The following SLC16A4 variants were observed in gnomAD, a reference collection of about 807,000 sequenced individuals.
SLC16A4 encodes the protein solute carrier family 16 member 4, also known as probable monocarboxylate transporter 5.
A neutral mutation model predicts 47.9 loss-of-function variants in SLC16A4; 39 were observed. That is an observed-to-expected ratio of 0.81 (90% confidence interval 0.63 to 1.06). The LOEUF (loss-of-function observed/expected upper bound fraction) is 1.06. Ranked by LOEUF, SLC16A4 falls within the 50% of genes least tolerant of loss-of-function variation. The pLI is 0.00. For missense variants in SLC16A4, 524 were observed against 573.8 expected, an observed-to-expected ratio of 0.91 and a Z score of 0.89; for synonymous variants, 189 against 199.9, an observed-to-expected ratio of 0.95 and a Z score of 0.46.
intron 8 of SLC16A4, among the ~76,000 whole-genome samples, chr1:110,374,772 C>A (rs1206420025): frequency 6.6e-6 from 1 of 152,218 alleles, no homozygotes; most frequent in Admixed American, 6.5e-5. Context: ...ATATCCTCTC[C>A]ATAGAGATGG....
chr1:110,377,076 G>A lies in SLC16A4; in HGVS notation c.1116C>T (p.Tyr372=). The A allele has an allele frequency of 6.2e-7, 1 of 1,614,112 alleles. No homozygotes were observed. The highest frequency in any genetic ancestry group is 8.5e-7 in the Non-Finnish European group (1 of 1,179,994). Residue 372 remains tyrosine, a synonymous_variant, in exon 7 of 9, where the codon TAC becomes TAT. Coordinates refer to ENST00000369779, the MANE Select transcript of SLC16A4 (RefSeq NM_004696.3). The part of the protein sequence containing the change: ...WIKKYHYHKS[Y]LILCGITNLL... ...GGTTAGTGATGCCGCAGAGGATGAG[G>A]TAAGACTTGTGGTAATGATACTTCT...
At chr1:110,366,788 C>G (rs1661424356) in intron 8 of SLC16A4, among the ~76,000 whole-genome samples, 2 of 152,038 alleles carry the variant, frequency 1.3e-5, no homozygotes, top group South Asian at 4.1e-4. Flanking sequence ...ATTTTCTTAC[C>G]AGGGCGGGGA....
chr1:110,381,770 G>A lies in SLC16A4; in HGVS notation c.246C>T (p.Asp82=), dbSNP rs776399818. 1 of 1,612,910 alleles carries A rather than the reference G, an allele frequency of 6.2e-7. No individual in the cohort carries two copies. Among genetic ancestry groups the A allele is most frequent in the Non-Finnish European group, 8.5e-7 (1 of 1,179,650 alleles). ...CAGPLVAIIC[D]ILGEKTTSIL... is the part of the protein sequence containing the mutation. ...TGGAGGTAGTTTTCTCTCCAAGTAT[G>A]TCACAAATAATAGCAACCAGGGGAC... is the stretch of plus-strand genomic sequence containing the variant. Residue 82 remains aspartate, a synonymous_variant, in exon 4 of 9, where the codon GAC becomes GAT. Transcript: ENST00000369779.
At chr1:110,376,425 G>C (rs1485389069) in intron 7 of SLC16A4, among the ~76,000 whole-genome samples, 3 of 152,156 alleles carry the variant, frequency 2.0e-5, no homozygotes, top group African/African-American at 7.2e-5. Flanking sequence ...ACACTGAAGT[G>C]TTTGTATAAG....
intron 8 of SLC16A4, chr1:110,371,766 C>T (rs1292152156): frequency 6.6e-6 from 1 of 152,132 alleles, no homozygotes; most frequent in African/African-American, 2.4e-5. Flanking sequence ...TAAAACTCAC[C>T]TACTCTAATG....
chr1:110,374,538 C>G (rs770498801), intron 8 of SLC16A4, among the ~76,000 whole-genome samples: 1 of 152,126 alleles, frequency 6.6e-6, no homozygotes, highest in African/African-American at 2.4e-5. Flanking sequence ...CATTGAGAAC[C>G]TGTGGTGTGT....
In SLC16A4 at chr1:110,378,180, T is replaced by C. The variant is rs145614132; in HGVS notation, c.1030+673A>G. Among the ~76,000 whole-genome samples, 12 of 152,296 alleles carry C rather than the reference T, an allele frequency of 7.9e-5. No individual in the cohort carries two copies. In the East Asian group the frequency reaches 2.1e-3, roughly 27 times the overall value. On this transcript the variant is annotated intron_variant, in intron 6 of 8. Coordinates refer to ENST00000369779, the MANE Select transcript of SLC16A4 (RefSeq NM_004696.3). ...TTAACTTATTTTAAATATCAGACAG[T>C]CCATAAGTGACTAGCCTTAAAAGTC...
At chr1:110,386,200 T>C (rs1662724197) in intron 2 of SLC16A4, among the ~76,000 whole-genome samples, 2 of 152,230 alleles carry the variant, frequency 1.3e-5, no homozygotes, top group Non-Finnish European at 2.9e-5. Context: ...CTCTAATAAC[T>C]GAGTCCGTGT....
intron 8 of SLC16A4, among the ~76,000 whole-genome samples, chr1:110,368,846 G>A (rs1401483233): frequency 8.5e-5 from 5 of 58,742 alleles, no homozygotes; most frequent in Non-Finnish European, 2.6e-4. Context: ...ATTATTTTAT[G>A]TGTTAGGCCA....
intron 1 of SLC16A4, among the ~76,000 whole-genome samples, chr1:110,389,656 CTCA>C (rs1662925383): frequency 6.6e-6 from 1 of 152,188 alleles, no homozygotes; most frequent in Non-Finnish European, 1.5e-5. Flanking sequence ...AACCTACGTG[CTCA>C]TCAACAGTGG....
rs532558212 is a variant in SLC16A4 at position 110,381,226 on chromosome 1, T to G, written c.365-83A>C. On this transcript the variant is annotated intron_variant, in intron 4 of 8. Coordinates refer to ENST00000369779, the MANE Select transcript of SLC16A4 (RefSeq NM_004696.3). ...AAAAGATAATCTCCTGGATCCGAGA[T>G]AATACAGCTAGGCCTTTTGGACCCA... The G allele has an allele frequency of 2.2e-4, 287 of 1,321,408 alleles. 1 individual carries two copies. The African/African-American group carries it at 3.8e-3, about 18-fold the overall frequency. 81.9% of individuals were successfully genotyped at this position (1,321,408 alleles called of 1,614,324 possible).
At chr1:110,381,526 G>C in intron 4 of SLC16A4, 126 bp downstream of exon 4, 1 of 878,098 alleles carries the variant, frequency 1.1e-6, no homozygotes, top group Non-Finnish European at 1.7e-6. Flanking sequence ...GTTTCACCAT[G>C]TTGCCCAGGC....
chr1:110,381,290 C>A, intron 4 of SLC16A4, 147 bp from the exon 5 acceptor site: 1 of 666,158 alleles, frequency 1.5e-6, no homozygotes, highest in South Asian at 1.9e-5. Context: ...CATCTTCTAT[C>A]TTCTATGGAT....
chr1:110,382,989 C>A, intron 2 of SLC16A4, 23 bp from the exon 3 acceptor site: 1 of 1,569,584 alleles, frequency 6.4e-7, no homozygotes, highest in Non-Finnish European at 8.7e-7. Context: ...AGACCAGAGT[C>A]CAACTCAGGT....
chr1:110,380,414 G>A (rs1008092399), intron 5 of SLC16A4, among the ~76,000 whole-genome samples: 3 of 152,084 alleles, frequency 2.0e-5, no homozygotes, highest in Admixed American at 6.5e-5. Context: ...TAATCCAAAT[G>A]TCTTAGTTAC....
intron 2 of SLC16A4, among the ~76,000 whole-genome samples, chr1:110,388,337 G>A (rs1662843857): frequency 6.6e-6 from 1 of 152,154 alleles, no homozygotes; most frequent in Non-Finnish European, 1.5e-5. Flanking sequence ...TTGCTTATGG[G>A]TAAAGGAGAA....
chr1:110,388,266 C>A (rs955900750), intron 2 of SLC16A4, among the ~76,000 whole-genome samples: 1 of 152,124 alleles, frequency 6.6e-6, no homozygotes, highest in South Asian at 2.1e-4. Context: ...CACTCTCACA[C>A]CTCAACCCCT....
In SLC16A4 at chr1:110,383,805, G is replaced by GTTTTT. The variant is rs71096348; in HGVS notation, c.88-844_88-840dup. ...TTTTGGAAAGGGCTGTTAAAAGGAG[G>GTTTTT]TTTTTTTTTTTTTTTTTTTTTTTTT... is the stretch of plus-strand genomic sequence containing the variant. On this transcript the variant is annotated intron_variant, in intron 2 of 8. Transcript: ENST00000369779. 4.7e-4 allele frequency among the ~76,000 whole-genome samples: 31 copies of GTTTTT among 65,756 alleles called. 1 individual carries two copies. Among genetic ancestry groups the GTTTTT allele is most frequent in the African/African-American group, 1.3e-3 (20 of 14,976 alleles). 43.1% of individuals were successfully genotyped at this position (65,756 alleles called of 152,430 possible).
At chr1:110,382,726 G>T in intron 3 of SLC16A4, 108 bp downstream of exon 3, 2 of 1,157,288 alleles carry the variant, frequency 1.7e-6, no homozygotes, top group South Asian at 2.4e-5. Flanking sequence ...ATCAGTAAAT[G>T]AACCTTAATT....
Sources: gnomAD v4.1 joint callset for allele counts (sites outside exome capture counted in the v4.1 genomes callset) on GRCh38, gnomAD v4.1.1 for gene constraint, MANE v1.5 for transcripts, NCBI Gene and HGNC (gene_info 2026-07-23, HGNC 2026-07-21) for gene names.